The following TLL2 variants were observed in gnomAD, a reference collection of about 807,000 sequenced individuals.
The protein encoded by TLL2 is tolloid like 2.
A neutral mutation model predicts 123.0 loss-of-function variants in TLL2; 106 were observed. The ratio of observed to expected loss-of-function variants is 0.86; its 90% confidence interval spans 0.74 to 1.01. The LOEUF is 1.01. TLL2 is among the 50% of genes least tolerant of loss of function. TLL2 has a pLI of 0.00. For missense variants in TLL2, 1,332 were observed against 1,336.7 expected (o/e 1.00, Z 0.06); for synonymous variants, 494 against 516.8 (o/e 0.96, Z 0.60).
chr10:96,478,037 TC>T (rs1407045535), intron 2 of TLL2, among the ~76,000 whole-genome samples: 1 of 152,146 alleles, frequency 6.6e-6, no homozygotes, highest in Non-Finnish European at 1.5e-5. Flanking sequence ...AATTCTTAGG[TC>T]ATGTCCACCT....
At chr10:96,446,239 G>A (rs916019367) in intron 2 of TLL2, 71 bp from the exon 3 acceptor site, 4 of 1,459,546 alleles carry the variant, frequency 2.7e-6, no homozygotes, top group Admixed American at 3.4e-5. Context: ...AGGGATGAGG[G>A]AGCAAACCTG....
intron 1 of TLL2, among the ~76,000 whole-genome samples, chr10:96,483,264 G>T (rs1046609586): frequency 6.6e-6 from 1 of 152,162 alleles, no homozygotes; most frequent in Non-Finnish European, 1.5e-5. Flanking sequence ...TAAGAATAAG[G>T]GAAAAGGAAG....
At chr10:96,405,096 G>C in intron 10 of TLL2, 136 bp downstream of exon 10, 4 of 743,190 alleles carry the variant, frequency 5.4e-6, no homozygotes, top group Non-Finnish European at 9.1e-6. Flanking sequence ...GCCAAATGGA[G>C]TGCTCAGAGT....
Position 96,513,612 on chromosome 10 carries a change from C to T in TLL2, c.74G>A (p.Gly25Glu), listed in dbSNP as rs774633643. The T allele has an allele frequency of 2.9e-5, 46 of 1,602,346 alleles. No individual in the cohort carries two copies. Among genetic ancestry groups the T allele is most frequent in the African/African-American group, 8.0e-5 (6 of 74,608 alleles). The part of the protein sequence containing the change: ...LLLPLPRGAG[G>E]LGERPDATAD... ...GGTGGCGTCCGGGCGCTCCCCGAGT[C>T]CCCCGGCGCCGCGAGGCAGCGGCAG... The change falls in exon 1 of 21, where the codon GGA becomes GAA. Residue 25 changes from glycine to glutamate, a missense_variant. Gly to Glu is a moderately conservative substitution (Grantham distance 98). Transcript: ENST00000357947.
In TLL2 at chr10:96,367,570, A is replaced by G. The variant is rs888232143; in HGVS notation, c.*518T>C. 6.5e-6 allele frequency: 1 copy of G among 154,604 alleles called. No individual in the cohort carries two copies. Among genetic ancestry groups the G allele is most frequent in the Middle Eastern group, 3.4e-3 (1 of 294 alleles). 9.6% of individuals were successfully genotyped at this position (154,604 alleles called of 1,614,324 possible). A position where few individuals can be genotyped will look rare whatever the true frequency, so the allele number is the denominator to read the frequency against. On this transcript the variant is annotated 3_prime_UTR_variant, in exon 21 of 21. Coordinates refer to ENST00000357947, the MANE Select transcript of TLL2 (RefSeq NM_012465.4). ...ATGCCTTTTTTTAGTCCTGACATCC[A>G]TCCATATTTTCAGGTTTCTTGGTTG... is the stretch of plus-strand genomic sequence containing the variant.
intron 2 of TLL2, among the ~76,000 whole-genome samples, chr10:96,473,612 G>T (rs943880697): frequency 3.9e-5 from 6 of 152,208 alleles, no homozygotes; most frequent in Admixed American, 2.6e-4. Context: ...TGAGGATTTA[G>T]AGCAAGGTTG....
chr10:96,368,081 A>T lies in TLL2; in HGVS notation c.*7T>A, dbSNP rs1846046122. 3 of 1,613,850 alleles carry T rather than the reference A, an allele frequency of 1.9e-6. No homozygotes were observed. The highest frequency in any genetic ancestry group is 2.5e-6 in the Non-Finnish European group (3 of 1,179,954). ...TTCTCAGTTTCTGTCTTTCAAGAACATCAGCACTATTTCTTCATGTGCAGG... is the reference window on the plus strand; with the variant it reads ...TTCTCAGTTTCTGTCTTTCAAGAACTTCAGCACTATTTCTTCATGTGCAGG... On this transcript the variant is annotated 3_prime_UTR_variant, in exon 21 of 21. Coordinates refer to ENST00000357947, the MANE Select transcript of TLL2 (RefSeq NM_012465.4).
chr10:96,371,818 C>T lies in TLL2; in HGVS notation c.2663-1503G>A, dbSNP rs151071360. Among the ~76,000 whole-genome samples the T allele has an allele frequency of 1.7e-3, 254 of 152,240 alleles. 2 individuals are homozygous for T. Among genetic ancestry groups the T allele is most frequent in the African/African-American group, 5.3e-3 (221 of 41,530 alleles). ...CACCAGCAGATCAGAGGGAGGGAGG[C>T]GAGAGAAGCCAGGGTATTTAGTCCC... On this transcript the variant is annotated intron_variant, in intron 19 of 20. Coordinates refer to ENST00000357947, the MANE Select transcript of TLL2 (RefSeq NM_012465.4).
At chr10:96,418,880 A>T (rs1359976594) in intron 7 of TLL2, among the ~76,000 whole-genome samples, 3 of 151,020 alleles carry the variant, frequency 2.0e-5, no homozygotes, top group Admixed American at 2.0e-4. Flanking sequence ...TAGATAAATT[A>T]AAAAGCAATA....
At chr10:96,412,411 C>A (rs1481992194) in intron 8 of TLL2, among the ~76,000 whole-genome samples, 1 of 152,154 alleles carries the variant, frequency 6.6e-6, no homozygotes, top group African/African-American at 2.4e-5. Context: ...GGATTCTGAT[C>A]CATCAGTACT....
In TLL2 at chr10:96,476,216, T is replaced by TCA. The variant is rs1554939587; in HGVS notation, c.286+4132_286+4133insTG. 8.1e-3 allele frequency among the ~76,000 whole-genome samples: 271 copies of TCA among 33,292 alleles called. 9 individuals carry two copies. The highest frequency in any genetic ancestry group is 0.022 in the African/African-American group (252 of 11,402). The allele number at this position is 33,292 out of a possible 152,430, so 21.8% of individuals were successfully genotyped here. ...ATAAAGGTGTGGTTCCTTTTTAATT[T>TCA]TATATGTATATATATATATATATAT... On this transcript the variant is annotated intron_variant, in intron 2 of 20. Coordinates refer to ENST00000357947, the MANE Select transcript of TLL2 (RefSeq NM_012465.4).
chr10:96,451,228 A>C (rs1383063725), intron 2 of TLL2, among the ~76,000 whole-genome samples: 2 of 152,252 alleles, frequency 1.3e-5, no homozygotes, highest in Non-Finnish European at 1.5e-5. Context: ...TCCCAAGTTC[A>C]ATTAAGAAGC....
At position 96,405,212 on chromosome 10, in the gene TLL2, G is replaced by A. The variant is rs200012606; in HGVS notation, c.1267+20C>T. Reference sequence around the variant, plus strand: ...AACATCCCATCACTCCTCTCTTAACGGTGTCTAAAGTCAACTTACCCAAAA... The same window carrying A: ...AACATCCCATCACTCCTCTCTTAACAGTGTCTAAAGTCAACTTACCCAAAA... On this transcript the variant is annotated intron_variant, in intron 10 of 20. Coordinates refer to ENST00000357947, the MANE Select transcript of TLL2 (RefSeq NM_012465.4). The A allele has an allele frequency of 1.8e-5, 29 of 1,604,808 alleles. No homozygotes were observed. Among genetic ancestry groups the A allele is most frequent in the African/African-American group, 8.0e-5 (6 of 74,696 alleles).
At chr10:96,477,974 TGCTCTATCA>T (rs1219518903) in intron 2 of TLL2, among the ~76,000 whole-genome samples, 2 of 152,236 alleles carry the variant, frequency 1.3e-5, no homozygotes, top group African/African-American at 2.4e-5. Context: ...GTAGGCTCTG[TGCTCTATCA>T]GCTCTATCAG....
chr10:96,389,610 A>C (rs1242275370), intron 13 of TLL2, among the ~76,000 whole-genome samples: 1 of 152,188 alleles, frequency 6.6e-6, no homozygotes, highest in Non-Finnish European at 1.5e-5. Context: ...GAAACCAAGG[A>C]AAGAGCCCAT....
chr10:96,376,541 G>A, intron 18 of TLL2, 151 bp downstream of exon 18: 1 of 815,170 alleles, frequency 1.2e-6, no homozygotes, highest in Non-Finnish European at 1.9e-6. Flanking sequence ...GGCTTCATTA[G>A]TATCCATGTT....
chr10:96,434,816 G>T (rs1846777364), intron 3 of TLL2, among the ~76,000 whole-genome samples: 1 of 152,118 alleles, frequency 6.6e-6, no homozygotes, highest in South Asian at 2.1e-4. Context: ...AATACACCAG[G>T]GTTCCAATGT....
chr10:96,476,891 C>T (rs909107930), intron 2 of TLL2, among the ~76,000 whole-genome samples: 2 of 146,346 alleles, frequency 1.4e-5, no homozygotes, highest in Non-Finnish European at 3.1e-5. Context: ...CACACACACA[C>T]ACACACGCAA....
chr10:96,506,123 G>A (rs925668811), intron 1 of TLL2, among the ~76,000 whole-genome samples: 1 of 151,682 alleles, frequency 6.6e-6, no homozygotes, highest in African/African-American at 2.4e-5. Flanking sequence ...ATGGTGGCGG[G>A]CGTCTGTAAT....
Sources: allele counts gnomAD v4.1 joint callset (sites outside exome capture counted in the v4.1 genomes callset), GRCh38; gene constraint gnomAD v4.1.1; transcripts MANE v1.5; gene names NCBI Gene and HGNC (gene_info 2026-07-23, HGNC 2026-07-21).